The following ZNF362 variants were observed in gnomAD, a reference collection of about 807,000 sequenced individuals.
ZNF362 encodes zinc finger protein 362.
Under a neutral mutation model 42.9 loss-of-function variants are expected in ZNF362, and 11 were observed. That is an observed-to-expected ratio of 0.26 (90% CI 0.16 to 0.42). The LOEUF (loss-of-function observed/expected upper bound fraction) is 0.42, where lower values mean the gene tolerates loss of function less well. ZNF362 is among the 20% of genes least tolerant of loss of function. The probability of loss-of-function intolerance (pLI) is 1.00; values close to 1 mark genes in which losing one functional copy is unlikely to be tolerated. For missense variants in ZNF362, 362 were observed against 576.2 expected (o/e 0.63, Z 3.81); for synonymous variants, 255 against 257.3 (o/e 0.99, Z 0.09).
chr1:33,181,174 G>A, the ZNF362 span: 4 of 1,596,224 alleles, frequency 2.5e-6, no homozygotes, highest in Non-Finnish European at 3.4e-6. The surrounding 1 kb of genome is among the most constrained non-coding windows in gnomAD (Gnocchi z 6.5). Context: ...GCGGCGCGGC[G>A]CGCGTTGAGG....
chr1:33,230,224 A>T, the ZNF362 span, among the ~76,000 whole-genome samples: 30 of 152,180 alleles, frequency 2.0e-4, no homozygotes, highest in African/African-American at 7.2e-4. Flanking sequence ...TACCCACCTC[A>T]TTGGTGGGTG....
chr1:33,172,824 C>T, the ZNF362 span, among the ~76,000 whole-genome samples: 28,439 of 152,138 alleles, frequency 0.19, 3,168 homozygotes, highest in South Asian at 0.29. Context: ...AAAGCCATCT[C>T]AGCTCTGGCT....
chr1:33,220,333 G>A, the ZNF362 span, among the ~76,000 whole-genome samples: 5 of 152,120 alleles, frequency 3.3e-5, no homozygotes. Context: ...CTTACCATAT[G>A]CTGGGCCTCC....
the ZNF362 span, among the ~76,000 whole-genome samples, chr1:33,249,313 C>T: frequency 2.0e-5 from 3 of 152,114 alleles, no homozygotes; most frequent in Non-Finnish European, 2.9e-5. Context: ...GCTGGAGCAC[C>T]GAGGCCAAGG....
the ZNF362 span, among the ~76,000 whole-genome samples, chr1:33,168,937 G>A: frequency 6.6e-6 from 1 of 152,184 alleles, no homozygotes; most frequent in Non-Finnish European, 1.5e-5. Context: ...ATTGCTCAGG[G>A]CACTTGAGAA....
chr1:33,260,432 A>G (rs1232719790), intron 1 of ZNF362, among the ~76,000 whole-genome samples: 2 of 152,176 alleles, frequency 1.3e-5, no homozygotes, highest in Admixed American at 6.5e-5. Flanking sequence ...GAGTGTTTAC[A>G]TGGCTGGCAC....
chr1:33,204,758 A>G, the ZNF362 span, among the ~76,000 whole-genome samples: 1 of 152,186 alleles, frequency 6.6e-6, no homozygotes, highest in Non-Finnish European at 1.5e-5. Flanking sequence ...TCTTTTATTC[A>G]TCGTTACTGT....
intron 4 of ZNF362, 35 bp downstream of exon 4, chr1:33,276,629 A>G: frequency 7.7e-7 from 1 of 1,304,534 alleles, no homozygotes. Flanking sequence ...GGGGCCGGTG[A>G]GGACTGGGCA....
At chr1:33,161,626 G>C in the ZNF362 span, among the ~76,000 whole-genome samples, 1 of 152,140 alleles carries the variant, frequency 6.6e-6, no homozygotes, top group African/African-American at 2.4e-5. The surrounding 1 kb of genome is among the most constrained non-coding windows in gnomAD (Gnocchi z 4.3). Flanking sequence ...GCACGGCCAG[G>C]CTGCCGTGGC....
the ZNF362 span, among the ~76,000 whole-genome samples, chr1:33,175,206 A>AT: frequency 0.019 from 2,725 of 142,556 alleles, 39 homozygotes; most frequent in Middle Eastern, 0.032. Context: ...TGCCCAGCTA[A>AT]TTTTTTTTTT....
chr1:33,144,461 G>A, the ZNF362 span, among the ~76,000 whole-genome samples: 1 of 152,212 alleles, frequency 6.6e-6, no homozygotes, highest in Non-Finnish European at 1.5e-5. Flanking sequence ...TTCTGAGCAA[G>A]TGTGATGTGA....
chr1:33,196,770 G>A, the ZNF362 span, among the ~76,000 whole-genome samples: 41 of 152,300 alleles, frequency 2.7e-4, no homozygotes, highest in Admixed American at 5.2e-4. Context: ...ATGACTGGCA[G>A]TGCAGTAGGC....
upstream of ZNF362, among the ~76,000 whole-genome samples, chr1:33,256,344 C>G (rs1181231955): frequency 7.0e-6 from 1 of 143,606 alleles, no homozygotes; most frequent in Non-Finnish European, 1.5e-5. Context: ...GGACGGGCTG[C>G]GCAGCCGGAG....
At chr1:33,181,685 C>A in the ZNF362 span, 1 of 561,040 alleles carries the variant, frequency 1.8e-6, no homozygotes, top group Non-Finnish European at 3.0e-6. This position sits in a 1 kb window ranked among gnomAD's most constrained non-coding sequence, Gnocchi z 6.5. Flanking sequence ...AGGCGATGGG[C>A]GCTGGGAGGA....
At chr1:33,257,528 C>T (rs993971181) in intron 1 of ZNF362, among the ~76,000 whole-genome samples, 10 of 150,782 alleles carry the variant, frequency 6.6e-5, no homozygotes, top group African/African-American at 2.4e-4. Flanking sequence ...GAAAAGTTAA[C>T]TGCCGGTTTC....
the ZNF362 span, chr1:33,165,884 T>G: frequency 4.8e-6 from 1 of 210,214 alleles, no homozygotes; most frequent in African/African-American, 2.3e-5. This position sits in a 1 kb window ranked among gnomAD's most constrained non-coding sequence, Gnocchi z 4.0. Context: ...CGCTTAGAAT[T>G]AAGGCAGGGG....
the ZNF362 span, among the ~76,000 whole-genome samples, chr1:33,131,486 T>G: frequency 6.6e-6 from 1 of 152,324 alleles, no homozygotes; most frequent in South Asian, 2.1e-4. Context: ...AAATTGAATG[T>G]GTTATAAGTG....
chr1:33,181,360 C>T, the ZNF362 span: 24 of 1,595,630 alleles, frequency 1.5e-5, no homozygotes, highest in Non-Finnish European at 2.0e-5. The surrounding 1 kb of genome is among the most constrained non-coding windows in gnomAD (Gnocchi z 6.5). Flanking sequence ...TGCTCGCAGC[C>T]CAGGCTCACC....
chr1:33,261,146 C>T (rs1645825458), intron 1 of ZNF362: 1 of 152,152 alleles, frequency 6.6e-6, no homozygotes, highest in African/African-American at 2.4e-5. Context: ...CTTAGAATCC[C>T]TCAACTGTTG....
Sources: gnomAD v4.1 joint callset for allele counts (sites outside exome capture counted in the v4.1 genomes callset) on GRCh38, gnomAD v4.1.1 for gene constraint, Gnocchi (gnomAD v3.1) non-coding constraint, MANE v1.5 for transcripts, NCBI Gene and HGNC (gene_info 2026-07-23, HGNC 2026-07-21) for gene names.